Variants in EXOC4 observed in about 807,000 individuals in gnomAD.
EXOC4 encodes the protein SEC8-like 1.
EXOC4 carries 71 observed loss-of-function variants against 107.2 expected under a neutral mutation model. That is an observed-to-expected ratio of 0.66 (90% CI 0.55 to 0.81). EXOC4 has a LOEUF of 0.81. Ranked by LOEUF, EXOC4 falls within the 30% of genes least tolerant of loss-of-function variation. EXOC4 has a pLI of 0.00. For synonymous variants in EXOC4, 456 were observed against 441.2 expected (o/e 1.03, Z -0.42); for missense variants, 1,108 against 1,189.6 (o/e 0.93, Z 1.01).
At chr7:133,755,032 C>G (rs1034707378) in intron 10 of EXOC4, among the ~76,000 whole-genome samples, 9 of 151,078 alleles carry the variant, frequency 6.0e-5, no homozygotes, top group African/African-American at 2.2e-4. Flanking sequence ...TCCAACATAC[C>G]TTTCTCTATC....
intron 11 of EXOC4, among the ~76,000 whole-genome samples, chr7:133,894,824 C>G (rs1272060205): frequency 1.2e-5 from 1 of 84,474 alleles, no homozygotes; most frequent in Non-Finnish European, 2.1e-5. Context: ...AACCACTGCT[C>G]TCTTCAAAGC....
chr7:133,850,311 C>A (rs1380061219), intron 11 of EXOC4, among the ~76,000 whole-genome samples: 2 of 152,148 alleles, frequency 1.3e-5, no homozygotes, highest in African/African-American at 4.8e-5. Context: ...GTATAGGCTA[C>A]CATTTCCCAA....
chr7:133,963,638 A>G (rs1019400394), intron 14 of EXOC4, among the ~76,000 whole-genome samples: 2 of 152,246 alleles, frequency 1.3e-5, no homozygotes, highest in African/African-American at 4.8e-5. Flanking sequence ...CCATGATATT[A>G]AAGTGTCAAA....
At chr7:133,687,730 T>C (rs1174180845) in intron 10 of EXOC4, among the ~76,000 whole-genome samples, 1 of 152,166 alleles carries the variant, frequency 6.6e-6, no homozygotes, top group Non-Finnish European at 1.5e-5. Context: ...ACTGAACTTC[T>C]GGTGTTTCTG....
chr7:133,866,028 T>C (rs1798632411), intron 11 of EXOC4, among the ~76,000 whole-genome samples: 1 of 152,142 alleles, frequency 6.6e-6, no homozygotes, highest in African/African-American at 2.4e-5. Flanking sequence ...AACTAATATT[T>C]ATGAAGGGGG....
At chr7:133,565,296 A>G (rs1364522563) in intron 9 of EXOC4, among the ~76,000 whole-genome samples, 1 of 152,206 alleles carries the variant, frequency 6.6e-6, no homozygotes, top group East Asian at 1.9e-4. Context: ...TCATCTGTGA[A>G]ATGACAGTAG....
intron 7 of EXOC4, among the ~76,000 whole-genome samples, chr7:133,426,783 T>G (rs999297169): frequency 5.9e-5 from 9 of 152,248 alleles, no homozygotes; most frequent in African/African-American, 2.2e-4. Context: ...TATTATTGAA[T>G]ATTAACATTC....
intron 10 of EXOC4, among the ~76,000 whole-genome samples, chr7:133,668,479 T>C (rs1196529235): frequency 1.3e-5 from 2 of 152,230 alleles, no homozygotes; most frequent in Non-Finnish European, 2.9e-5. Context: ...GAATGCATTT[T>C]CTCATAGACA....
chr7:133,378,065 C>G (rs895918383), intron 7 of EXOC4, among the ~76,000 whole-genome samples: 1 of 151,916 alleles, frequency 6.6e-6, no homozygotes, highest in Non-Finnish European at 1.5e-5. Flanking sequence ...AATGCCAGCA[C>G]TTTGGGAACC....
chr7:134,097,153 A>G, the EXOC4 span, among the ~76,000 whole-genome samples: 1 of 152,156 alleles, frequency 6.6e-6, no homozygotes, highest in African/African-American at 2.4e-5. Flanking sequence ...TGGAAGTTCA[A>G]AGAAGAAAAT....
chr7:133,787,909 A>T (rs2551023), intron 10 of EXOC4, among the ~76,000 whole-genome samples: 1 of 126,530 alleles, frequency 7.9e-6, no homozygotes, highest in Non-Finnish European at 1.7e-5. Flanking sequence ...AACTTATTCA[A>T]GGTCACACAG....
At chr7:133,427,889 GA>G (rs1284713824) in intron 7 of EXOC4, among the ~76,000 whole-genome samples, 1 of 152,076 alleles carries the variant, frequency 6.6e-6, no homozygotes. Flanking sequence ...TAACAGAAGG[GA>G]AAAAATCAAT....
intron 6 of EXOC4, among the ~76,000 whole-genome samples, chr7:133,369,712 A>T (rs1398576042): frequency 5.9e-5 from 9 of 151,490 alleles, no homozygotes; most frequent in Non-Finnish European, 8.8e-5. Context: ...TGAGCTCCAG[A>T]CTTGCATATC....
chr7:133,906,760 C>A (rs976485047), intron 12 of EXOC4, among the ~76,000 whole-genome samples: 1 of 152,242 alleles, frequency 6.6e-6, no homozygotes. Context: ...AGGGTGTCCA[C>A]TGTGCTCCTG....
intron 3 of EXOC4, among the ~76,000 whole-genome samples, chr7:133,289,936 C>G (rs1359620206): frequency 6.6e-6 from 1 of 152,168 alleles, no homozygotes; most frequent in African/African-American, 2.4e-5. Flanking sequence ...GGTGAAAGTC[C>G]TTTACCTTTG....
chr7:133,608,189 A>C lies in EXOC4; in HGVS notation c.1418-21856A>C, dbSNP rs139195237. On this transcript the variant is annotated intron_variant, in intron 9 of 17. Coordinates refer to ENST00000253861, the MANE Select transcript of EXOC4 (RefSeq NM_021807.4). ...CTGAGTTTGGGACTTATTTTTTGTTAGGTAAATCGAAAACAGCAATGGAAA... is the reference window on the plus strand; with the variant it reads ...CTGAGTTTGGGACTTATTTTTTGTTCGGTAAATCGAAAACAGCAATGGAAA... 1.7e-3 allele frequency among the ~76,000 whole-genome samples: 265 copies of C among 152,282 alleles called. 1 individual carries two copies. Among genetic ancestry groups the C allele is most frequent in the African/African-American group, 5.9e-3 (247 of 41,568 alleles).
intron 9 of EXOC4, chr7:133,480,887 C>G (rs1207195172): frequency 6.6e-6 from 1 of 151,464 alleles, no homozygotes; most frequent in African/African-American, 2.4e-5. Flanking sequence ...AGCCCTGTCT[C>G]TATAAAAAAA....
intron 11 of EXOC4, among the ~76,000 whole-genome samples, chr7:133,854,859 C>G (rs1275481721): frequency 6.7e-6 from 1 of 149,710 alleles, no homozygotes; most frequent in East Asian, 2.0e-4. Flanking sequence ...AAGGAAGACA[C>G]TTTATGATCT....
intron 9 of EXOC4, among the ~76,000 whole-genome samples, chr7:133,616,158 A>T (rs1026264320): frequency 6.6e-6 from 1 of 152,158 alleles, no homozygotes; most frequent in African/African-American, 2.4e-5. Flanking sequence ...GGATTTTATT[A>T]TGCATATATA....
Sources: gnomAD v4.1 joint callset for allele counts (sites outside exome capture counted in the v4.1 genomes callset) on GRCh38, gnomAD v4.1.1 for gene constraint, MANE v1.5 for transcripts, NCBI Gene and HGNC (gene_info 2026-07-23, HGNC 2026-07-21) for gene names.